The following NFIB variants were observed in gnomAD, a reference collection of about 807,000 sequenced individuals.
NFIB encodes the protein nuclear factor I B, also known as nuclear factor 1 B-type.
NFIB carries 11 observed loss-of-function variants against 61.5 expected under a neutral mutation model. That is an observed-to-expected ratio of 0.18 (90% CI 0.11 to 0.30). The LOEUF (loss-of-function observed/expected upper bound fraction) is 0.30. Ranked by LOEUF, NFIB falls within the 10% of genes least tolerant of loss-of-function variation. The pLI, the probability that NFIB is intolerant of heterozygous loss-of-function variation, is 1.00. For missense variants in NFIB, 471 were observed against 608.9 expected, an observed-to-expected ratio of 0.77 and a Z score of 2.38; for synonymous variants, 260 against 216.5, an observed-to-expected ratio of 1.20 and a Z score of -1.76.
chr9:14,475,941 C>A, the NFIB span, among the ~76,000 whole-genome samples: 1 of 152,164 alleles, frequency 6.6e-6, no homozygotes, highest in African/African-American at 2.4e-5. Flanking sequence ...CTCACACTAA[C>A]TCCCTGAGTT....
intron 10 of NFIB, among the ~76,000 whole-genome samples, chr9:14,105,720 G>A (rs1289280403): frequency 6.6e-6 from 1 of 152,098 alleles, no homozygotes; most frequent in Non-Finnish European, 1.5e-5. Context: ...ATTTGACCAA[G>A]ATATTCCTGA....
the NFIB span, among the ~76,000 whole-genome samples, chr9:14,408,419 A>G: frequency 1.3e-5 from 2 of 152,104 alleles, no homozygotes; most frequent in Non-Finnish European, 2.9e-5. Context: ...CTAGGGTATG[A>G]CTTTCTTCCC....
the NFIB span, among the ~76,000 whole-genome samples, chr9:14,431,831 C>T: frequency 6.6e-6 from 1 of 152,104 alleles, no homozygotes; most frequent in South Asian, 2.1e-4. Context: ...TGCCCTGTGT[C>T]CCTATGCAGA....
intron 2 of NFIB, among the ~76,000 whole-genome samples, chr9:14,280,383 G>GT (rs1048865156): frequency 2.0e-5 from 3 of 152,092 alleles, no homozygotes; most frequent in African/African-American, 7.2e-5. Context: ...GTTTAAAAGA[G>GT]TATCTACATT....
the NFIB span, among the ~76,000 whole-genome samples, chr9:14,496,947 G>T: frequency 1.3e-5 from 2 of 152,170 alleles, no homozygotes; most frequent in African/African-American, 2.4e-5. Flanking sequence ...AATTGGCATG[G>T]TCACCAAATC....
intron 4 of NFIB, among the ~76,000 whole-genome samples, chr9:14,151,677 G>A (rs530326286): frequency 6.6e-6 from 1 of 152,246 alleles, no homozygotes; most frequent in South Asian, 2.1e-4. Context: ...AACAGGGACT[G>A]CTGCAGAAGC....
At chr9:14,171,348 T>C (rs1190826005) in intron 3 of NFIB, among the ~76,000 whole-genome samples, 2 of 152,216 alleles carry the variant, frequency 1.3e-5, no homozygotes, top group African/African-American at 4.8e-5. Flanking sequence ...TCCAAACTGT[T>C]CCATGCATCT....
chr9:14,375,431 G>C (rs1236726156), intron 1 of NFIB, among the ~76,000 whole-genome samples: 1 of 152,180 alleles, frequency 6.6e-6, no homozygotes, highest in African/African-American at 2.4e-5. Flanking sequence ...GCCAAGGTGG[G>C]TGGATCACAA....
intron 2 of NFIB, among the ~76,000 whole-genome samples, chr9:14,253,954 T>TC (rs1246503087): frequency 6.6e-6 from 1 of 152,094 alleles, no homozygotes; most frequent in Non-Finnish European, 1.5e-5. Flanking sequence ...GTTCCCCTGG[T>TC]CTAAATGCCT....
At chr9:14,417,398 T>C in the NFIB span, among the ~76,000 whole-genome samples, 1 of 152,230 alleles carries the variant, frequency 6.6e-6, no homozygotes, top group Non-Finnish European at 1.5e-5. Context: ...AAGCACACTG[T>C]ATGAAGTTCA....
chr9:14,427,943 T>TTTTTTG, the NFIB span, among the ~76,000 whole-genome samples: 645 of 76,354 alleles, frequency 8.4e-3, 34 homozygotes, highest in South Asian at 0.025. Context: ...AGTTGTTTTT[T>TTTTTTG]TTTTTTTTTT....
At chr9:14,440,214 G>C in the NFIB span, among the ~76,000 whole-genome samples, 1 of 152,204 alleles carries the variant, frequency 6.6e-6, no homozygotes, top group Non-Finnish European at 1.5e-5. Context: ...CAAGGGGCCA[G>C]CTGTGTCTTC....
intron 2 of NFIB, among the ~76,000 whole-genome samples, chr9:14,203,423 G>C (rs1790156744): frequency 6.6e-6 from 1 of 152,200 alleles, no homozygotes; most frequent in Non-Finnish European, 1.5e-5. Flanking sequence ...CAAATTAAAT[G>C]TTTACATTAG....
chr9:14,214,915 G>C (rs1281123864), intron 2 of NFIB, among the ~76,000 whole-genome samples: 1 of 152,230 alleles, frequency 6.6e-6, no homozygotes, highest in African/African-American at 2.4e-5. Context: ...TAAAGTACGT[G>C]TATACACATG....
At chr9:14,398,648 C>A (rs1029457424) in exon 1 of NFIB, 7 of 1,501,350 alleles carry the variant, frequency 4.7e-6, no homozygotes, top group Non-Finnish European at 6.2e-6. Flanking sequence ...AACGGATTCC[C>A]GACAAGAAGC....
At chr9:14,425,241 A>T in the NFIB span, among the ~76,000 whole-genome samples, 8 of 152,202 alleles carry the variant, frequency 5.3e-5, no homozygotes, top group African/African-American at 1.7e-4. Context: ...ACTGCTCTAC[A>T]GTGATTCTTA....
intron 1 of NFIB, among the ~76,000 whole-genome samples, chr9:14,333,250 C>T (rs1255977656): frequency 6.6e-6 from 1 of 152,206 alleles, no homozygotes; most frequent in Non-Finnish European, 1.5e-5. Context: ...AATCTTGTCT[C>T]TTGTTTTACA....
intron 1 of NFIB, among the ~76,000 whole-genome samples, chr9:14,346,489 GCCCGC>G (rs1439993043): frequency 6.6e-6 from 1 of 152,118 alleles, no homozygotes; most frequent in African/African-American, 2.4e-5. Context: ...ATTCAGAAAA[GCCCGC>G]CCAGCGTCCC....
the NFIB span, among the ~76,000 whole-genome samples, chr9:14,408,413 G>A: frequency 2.0e-5 from 3 of 152,028 alleles, no homozygotes; most frequent in Non-Finnish European, 2.9e-5. Flanking sequence ...TTATCCCTAG[G>A]GTATGACTTT....
Sources: allele counts gnomAD v4.1 joint callset (sites outside exome capture counted in the v4.1 genomes callset), GRCh38; gene constraint gnomAD v4.1.1; transcripts MANE v1.5; gene names NCBI Gene and HGNC (gene_info 2026-07-23, HGNC 2026-07-21).